The following OSBPL9 variants were observed in gnomAD, a reference collection of about 807,000 sequenced individuals.
The protein encoded by OSBPL9 is oxysterol binding protein like 9.
Under a neutral mutation model 106.6 loss-of-function variants are expected in OSBPL9, and 40 were observed. The observed-to-expected ratio is 0.38, with a 90% CI of 0.29 to 0.49. OSBPL9 has a LOEUF of 0.49. Among genes scored for constraint, OSBPL9 ranks in the 20% least tolerant of loss-of-function variants. The pLI, the probability that OSBPL9 is intolerant of heterozygous loss-of-function variation, is 0.97. For missense variants in OSBPL9, 609 were observed against 887.2 expected, an observed-to-expected ratio of 0.69 and a Z score of 3.98; for synonymous variants, 269 against 295.4, an observed-to-expected ratio of 0.91 and a Z score of 0.92.
At chr1:51,782,713 G>A (rs1181852485) in intron 17 of OSBPL9, 70 bp downstream of exon 17, 16 of 1,385,664 alleles carry the variant, frequency 1.2e-5, no homozygotes, top group South Asian at 2.5e-5. Flanking sequence ...CATTAAAAGC[G>A]CCATAGCTGA....
intron 7 of OSBPL9, among the ~76,000 whole-genome samples, chr1:51,748,973 T>C (rs1223220314): frequency 6.6e-6 from 1 of 152,050 alleles, no homozygotes; most frequent in Admixed American, 6.6e-5. Flanking sequence ...TAATCCTAGC[T>C]ACTCTGGAGG....
intron 2 of OSBPL9, among the ~76,000 whole-genome samples, chr1:51,669,028 G>C (rs962031018): frequency 6.6e-6 from 1 of 152,158 alleles, no homozygotes. Flanking sequence ...CACAGAAGCA[G>C]CCTGCTGAAG....
intron 4 of OSBPL9, among the ~76,000 whole-genome samples, chr1:51,714,496 T>G (rs571696274): frequency 6.6e-6 from 1 of 152,352 alleles, no homozygotes; most frequent in Non-Finnish European, 1.5e-5. Context: ...AGTACTCTTT[T>G]GTATGGTAGT....
chr1:51,653,207 T>C (rs964369740), intron 2 of OSBPL9, among the ~76,000 whole-genome samples: 3 of 152,054 alleles, frequency 2.0e-5, no homozygotes, highest in Non-Finnish European at 2.9e-5. Context: ...TTTTTTTTTT[T>C]CTAAAATTTT....
chr1:51,753,250 G>A (rs1482809355), intron 8 of OSBPL9, among the ~76,000 whole-genome samples: 1 of 152,156 alleles, frequency 6.6e-6, no homozygotes, highest in Non-Finnish European at 1.5e-5. Flanking sequence ...CCCAGACTGA[G>A]TTTGAATCCA....
intron 1 of OSBPL9, among the ~76,000 whole-genome samples, chr1:51,597,342 G>C (rs776307774): frequency 6.6e-6 from 1 of 151,412 alleles, no homozygotes; most frequent in Admixed American, 6.6e-5. Flanking sequence ...ATAATCAATC[G>C]GGATGTCAAG....
Position 51,745,639 on chromosome 1 carries a change from A to C in OSBPL9, c.414+8A>C. 1.3e-6 allele frequency: 2 copies of C among 1,527,938 alleles called. No individual in the cohort carries two copies. The highest frequency in any genetic ancestry group is 1.7e-6 in the Non-Finnish European group (2 of 1,144,630). 94.6% of individuals were successfully genotyped at this position (1,527,938 alleles called of 1,614,324 possible). Reference sequence around the variant, plus strand: ...TTGATTGAACAATTAAAGGTATGGCATTAGTTTGTATATTAAATTTATATA... The same window carrying C: ...TTGATTGAACAATTAAAGGTATGGCCTTAGTTTGTATATTAAATTTATATA... On this transcript the variant is annotated splice_region_variant and intron_variant, in intron 5 of 23. Coordinates refer to ENST00000428468, the MANE Select transcript of OSBPL9 (RefSeq NM_024586.6).
chr1:51,743,862 A>G (rs989179291), intron 4 of OSBPL9, among the ~76,000 whole-genome samples: 1 of 152,234 alleles, frequency 6.6e-6, no homozygotes, highest in African/African-American at 2.4e-5. Context: ...ACCAAACTGT[A>G]TATTTTAAAT....
chr1:51,609,905 G>A (rs549526035), intron 2 of OSBPL9, among the ~76,000 whole-genome samples: 3 of 151,796 alleles, frequency 2.0e-5, no homozygotes, highest in Admixed American at 6.6e-5. Flanking sequence ...GTGCCACCAC[G>A]CCCGGCTAAT....
At chr1:51,530,175 A>AAAAAAAAAAAAAAAAAC in the OSBPL9 span, among the ~76,000 whole-genome samples, 2 of 105,876 alleles carry the variant, frequency 1.9e-5, no homozygotes, top group Non-Finnish European at 3.9e-5. Context: ...TGTCTCAAAA[A>AAAAAAAAAAAAAAAAAC]AAAAAAAAAA....
chr1:51,743,311 T>TCTTTTA (rs1667322145), intron 4 of OSBPL9, among the ~76,000 whole-genome samples: 1 of 152,202 alleles, frequency 6.6e-6, no homozygotes, highest in Admixed American at 6.5e-5. Flanking sequence ...AAGAAGGTTA[T>TCTTTTA]GGAAGACTAT....
intron 1 of OSBPL9, among the ~76,000 whole-genome samples, chr1:51,632,079 T>C (rs1351340208): frequency 6.6e-6 from 1 of 152,148 alleles, no homozygotes. Flanking sequence ...CTGAGGCTGT[T>C]TTACAGTTAA....
intron 3 of OSBPL9, among the ~76,000 whole-genome samples, chr1:51,678,339 C>T (rs930213191): frequency 3.9e-5 from 6 of 152,118 alleles, no homozygotes; most frequent in African/African-American, 1.4e-4. Context: ...GTTGGTTTCA[C>T]CTCAGTTCAT....
At chr1:51,741,532 C>T (rs1157134042) in intron 4 of OSBPL9, among the ~76,000 whole-genome samples, 1 of 150,168 alleles carries the variant, frequency 6.7e-6, no homozygotes, top group Non-Finnish European at 1.5e-5. Flanking sequence ...TTCCCTCTCT[C>T]CCCACTCCCT....
chr1:51,707,914 T>C, intron 3 of OSBPL9: 1 of 250,128 alleles, frequency 4.0e-6, no homozygotes, highest in Non-Finnish European at 8.1e-6. Context: ...ATCTCACTCC[T>C]GGAAGATGGT....
chr1:51,571,677 A>C, the OSBPL9 span, among the ~76,000 whole-genome samples: 2 of 152,256 alleles, frequency 1.3e-5, no homozygotes, highest in East Asian at 3.9e-4. Flanking sequence ...AATCAAAACA[A>C]AACAAAATTG....
chr1:51,577,786 T>C (rs187599696), intron 1 of OSBPL9, among the ~76,000 whole-genome samples: 309 of 152,306 alleles, frequency 2.0e-3, no homozygotes, highest in African/African-American at 7.2e-3. Flanking sequence ...TGTTTTTTCC[T>C]CATTCAAAAG....
At chr1:51,665,370 C>T (rs1648201389) in intron 2 of OSBPL9, among the ~76,000 whole-genome samples, 1 of 152,150 alleles carries the variant, frequency 6.6e-6, no homozygotes, top group Admixed American at 6.5e-5. Context: ...TCTTGAACTC[C>T]CGACCTCAGG....
chr1:51,548,571 G>A, the OSBPL9 span, among the ~76,000 whole-genome samples: 6 of 148,342 alleles, frequency 4.0e-5, no homozygotes, highest in African/African-American at 7.5e-5. Context: ...TAATTTTTTC[G>A]TGGGGATGGA....
Sources: gnomAD v4.1 joint callset for allele counts (sites outside exome capture counted in the v4.1 genomes callset) on GRCh38, gnomAD v4.1.1 for gene constraint, MANE v1.5 for transcripts, NCBI Gene and HGNC (gene_info 2026-07-23, HGNC 2026-07-21) for gene names.